The following EPHA6 variants were observed in gnomAD, a reference collection of about 807,000 sequenced individuals.
EPHA6 encodes EPH receptor A6.
In EPHA6, 50 loss-of-function variants were observed where a neutral mutation model predicts 112.0. The ratio of observed to expected loss-of-function variants is 0.45; its 90% confidence interval spans 0.36 to 0.56. EPHA6 has a LOEUF of 0.56. EPHA6 is among the 20% of genes least tolerant of loss of function. EPHA6 has a pLI of 0.00. For missense variants in EPHA6, 1,280 were observed against 1,417.4 expected, an observed-to-expected ratio of 0.90 and a Z score of 1.56; for synonymous variants, 529 against 490.7, an observed-to-expected ratio of 1.08 and a Z score of -1.03.
intron 3 of EPHA6, among the ~76,000 whole-genome samples, chr3:96,992,798 C>A (rs935094465): frequency 6.6e-6 from 1 of 152,082 alleles, no homozygotes; most frequent in African/African-American, 2.4e-5. Context: ...TTTTACCTAG[C>A]TGCTTTTGTA....
intron 14 of EPHA6, among the ~76,000 whole-genome samples, chr3:97,653,121 A>G (rs2094117778): frequency 6.6e-6 from 1 of 151,944 alleles, no homozygotes; most frequent in Admixed American, 6.6e-5. Context: ...TAGTGGGGAT[A>G]AAAGTGCTTA....
chr3:97,281,448 T>A (rs2108663268), intron 5 of EPHA6, among the ~76,000 whole-genome samples: 1 of 152,300 alleles, frequency 6.6e-6, no homozygotes, highest in Admixed American at 6.5e-5. Flanking sequence ...TAAATTTAGA[T>A]ATTTTTCATA....
At chr3:97,556,908 T>C (rs564602851) in intron 11 of EPHA6, among the ~76,000 whole-genome samples, 21 of 152,194 alleles carry the variant, frequency 1.4e-4, no homozygotes, top group African/African-American at 5.1e-4. Context: ...ATGGATATTA[T>C]GGGGTGATAA....
intron 3 of EPHA6, among the ~76,000 whole-genome samples, chr3:97,106,140 A>G (rs1315923371): frequency 6.6e-6 from 1 of 152,108 alleles, no homozygotes; most frequent in East Asian, 1.9e-4. Flanking sequence ...CCTGCAATAG[A>G]TATGGAAATG....
At chr3:96,925,242 C>T (rs2039973346) in intron 2 of EPHA6, among the ~76,000 whole-genome samples, 1 of 152,022 alleles carries the variant, frequency 6.6e-6, no homozygotes, top group Non-Finnish European at 1.5e-5. Flanking sequence ...TTTTGTGCCT[C>T]TCATTAAATT....
rs1280290291 is a variant in EPHA6, at chr3:97,585,849, ATTTTTG to A, written c.2387-6761_2387-6756del. On this transcript the variant is annotated intron_variant, in intron 11 of 17. Coordinates refer to ENST00000389672, the MANE Select transcript of EPHA6 (RefSeq NM_001080448.3). ...CATATCAAAAATTATTTGATTTTCT[ATTTTTG>A]TATTAAAAATGTATGTCATAGGTTA... Among the ~76,000 whole-genome samples the A allele has an allele frequency of 3.0e-3, 459 of 152,084 alleles. 4 individuals are homozygous for A. The highest frequency in any genetic ancestry group is 0.011 in the African/African-American group (442 of 41,364).
intron 11 of EPHA6, among the ~76,000 whole-genome samples, chr3:97,554,290 C>T (rs576899339): frequency 3.3e-5 from 5 of 152,190 alleles, no homozygotes; most frequent in Non-Finnish European, 5.9e-5. Context: ...TTCTCTAGAG[C>T]TAACCCTTGT....
At chr3:97,400,860 A>G (rs1026581273) in intron 5 of EPHA6, among the ~76,000 whole-genome samples, 2 of 151,742 alleles carry the variant, frequency 1.3e-5, no homozygotes, top group African/African-American at 4.8e-5. Flanking sequence ...GAGATCTGCA[A>G]TTAGGGAGAA....
Position 97,638,049 on chromosome 3 carries a change from G to A in EPHA6, c.2751G>A (p.Leu917=), listed in dbSNP as rs772220038. Reference sequence around the variant, plus strand: ...CTGATTTTGGTCTCTCCAGAGTGCTGGAAGATGATCCAGAAGCTGCTTATA... The same window carrying A: ...CTGATTTTGGTCTCTCCAGAGTGCTAGAAGATGATCCAGAAGCTGCTTATA... The part of the protein sequence containing the change: ...KVSDFGLSRV[L]EDDPEAAYTT... The change falls in exon 14 of 18, where the codon CTG becomes CTA. Residue 917 remains leucine, a synonymous_variant. Coordinates refer to ENST00000389672, the MANE Select transcript of EPHA6 (RefSeq NM_001080448.3). 6.8e-6 allele frequency: 11 copies of A among 1,613,768 alleles called. No individual in the cohort carries two copies. Among genetic ancestry groups the A allele is most frequent in the Non-Finnish European group, 9.3e-6 (11 of 1,179,812 alleles).
At chr3:97,687,827 T>G (rs576910442) in intron 14 of EPHA6, among the ~76,000 whole-genome samples, 7 of 152,320 alleles carry the variant, frequency 4.6e-5, no homozygotes, top group Admixed American at 3.9e-4. Flanking sequence ...AGGTTCAGGT[T>G]TGCTCCACAT....
chr3:96,939,188 C>T (rs368662052), intron 2 of EPHA6, among the ~76,000 whole-genome samples: 9 of 152,172 alleles, frequency 5.9e-5, no homozygotes, highest in Admixed American at 2.6e-4. Flanking sequence ...ATGGTACCAG[C>T]TCCTCCTTGT....
intron 6 of EPHA6, among the ~76,000 whole-genome samples, chr3:97,410,172 C>A (rs1459506619): frequency 6.6e-6 from 1 of 151,954 alleles, no homozygotes. Flanking sequence ...CACAATAAGT[C>A]TTTTTTCTTC....
chr3:96,817,912 G>C (rs771064983), intron 1 of EPHA6, among the ~76,000 whole-genome samples: 14 of 151,874 alleles, frequency 9.2e-5, no homozygotes, highest in Non-Finnish European at 1.9e-4. Flanking sequence ...GTGTGAAGCT[G>C]ACTGTAAAGA....
At chr3:97,064,687 A>G (rs963393222) in intron 3 of EPHA6, among the ~76,000 whole-genome samples, 1 of 152,166 alleles carries the variant, frequency 6.6e-6, no homozygotes, top group Non-Finnish European at 1.5e-5. Context: ...TTTAGAGGTA[A>G]TGACATTTAC....
At chr3:97,526,809 AG>A (rs2092627343) in intron 10 of EPHA6, among the ~76,000 whole-genome samples, 1 of 152,134 alleles carries the variant, frequency 6.6e-6, no homozygotes, top group Non-Finnish European at 1.5e-5. Flanking sequence ...ATCAAGATTC[AG>A]GGCCCCTTCA....
chr3:97,751,547 C>A lies in EPHA6; in HGVS notation c.*2846C>A, dbSNP rs2035901596. 6.6e-6 allele frequency among the ~76,000 whole-genome samples: 1 copy of A among 151,950 alleles called. No homozygotes were observed. The highest frequency in any genetic ancestry group is 1.5e-5 in the Non-Finnish European group (1 of 67,952). ...AGGATTTACTATAAGGATTTACTGC[C>A]TACCAATCATGGACCCCATGATCCC... On this transcript the variant is annotated 3_prime_UTR_variant, in exon 18 of 18. Transcript: ENST00000389672.
At chr3:96,861,819 T>C (rs2036024956) in intron 1 of EPHA6, among the ~76,000 whole-genome samples, 1 of 151,978 alleles carries the variant, frequency 6.6e-6, no homozygotes, top group South Asian at 2.1e-4. Context: ...AGTAGCTTTG[T>C]TGTTTTTAAG....
chr3:96,831,009 A>G (rs1317239463), intron 1 of EPHA6, among the ~76,000 whole-genome samples: 2 of 152,162 alleles, frequency 1.3e-5, no homozygotes, highest in Admixed American at 1.3e-4. Flanking sequence ...ATATGCTTCA[A>G]AAAATAATGT....
intron 5 of EPHA6, among the ~76,000 whole-genome samples, chr3:97,342,220 T>C (rs560316424): frequency 6.6e-6 from 1 of 152,316 alleles, no homozygotes; most frequent in South Asian, 2.1e-4. Flanking sequence ...GTTTTTATTT[T>C]TAAGTAAAAA....
Sources: allele counts gnomAD v4.1 joint callset (sites outside exome capture counted in the v4.1 genomes callset), GRCh38; gene constraint gnomAD v4.1.1; transcripts MANE v1.5; gene names NCBI Gene and HGNC (gene_info 2026-07-23, HGNC 2026-07-21).